Variants in ROBO2 observed in about 807,000 individuals in gnomAD.
ROBO2 encodes roundabout homolog 2.
A neutral mutation model predicts 160.8 loss-of-function variants in ROBO2; 53 were observed. The observed-to-expected ratio is 0.33, with a 90% CI of 0.26 to 0.41. The LOEUF (loss-of-function observed/expected upper bound fraction) is 0.41. Ranked by LOEUF, ROBO2 falls within the 10% of genes least tolerant of loss-of-function variation. The pLI is 1.00. For synonymous variants in ROBO2, 664 were observed against 611.7 expected, an observed-to-expected ratio of 1.09 and a Z score of -1.26; for missense variants, 1,577 against 1,722.4, an observed-to-expected ratio of 0.92 and a Z score of 1.49.
chr3:76,529,660 G>A (rs2108029815), intron 2 of ROBO2, among the ~76,000 whole-genome samples: 1 of 152,084 alleles, frequency 6.6e-6, no homozygotes, highest in Non-Finnish European at 1.5e-5. Context: ...TATACAATTA[G>A]TCAACTTCCC....
At chr3:76,662,209 T>G (rs2110064125) in intron 2 of ROBO2, among the ~76,000 whole-genome samples, 1 of 152,216 alleles carries the variant, frequency 6.6e-6, no homozygotes, top group Non-Finnish European at 1.5e-5. Context: ...GGCCTTGGAA[T>G]TTTATTTTTG....
At chr3:77,564,611 G>A (rs533216097) in intron 11 of ROBO2, 23 of 409,054 alleles carry the variant, frequency 5.6e-5, no homozygotes, top group Admixed American at 4.9e-4. Context: ...ATACATTTAC[G>A]AGGACCATAC....
chr3:76,748,696 C>T (rs2093932424), intron 2 of ROBO2, among the ~76,000 whole-genome samples: 1 of 151,624 alleles, frequency 6.6e-6, no homozygotes, highest in African/African-American at 2.4e-5. Flanking sequence ...GTAAATCACC[C>T]AGCGTTAATA....
chr3:77,643,531 C>G (rs970104225), intron 24 of ROBO2, among the ~76,000 whole-genome samples: 2 of 152,096 alleles, frequency 1.3e-5, no homozygotes, highest in Admixed American at 6.5e-5. Flanking sequence ...GGAAATGTCA[C>G]AGAAATAAAT....
At chr3:76,615,209 G>C (rs1308794176) in intron 2 of ROBO2, among the ~76,000 whole-genome samples, 2 of 151,132 alleles carry the variant, frequency 1.3e-5, no homozygotes, top group African/African-American at 4.9e-5. Flanking sequence ...TGGTGTAGAT[G>C]GTTTATTTAT....
Position 76,021,122 on chromosome 3 carries a change from C to A in ROBO2, c.109+83520C>A, listed in dbSNP as rs555083881. Reference sequence around the variant, plus strand: ...TCAGCTTATTATCACTGCAAATTTCCAAAACAGAGAAAGAAGGGTAACAGT... The same window carrying A: ...TCAGCTTATTATCACTGCAAATTTCAAAAACAGAGAAAGAAGGGTAACAGT... On this transcript the variant is annotated intron_variant, in intron 2 of 26. Coordinates refer to the ROBO2 transcript ENST00000487694. Among the ~76,000 whole-genome samples the A allele has an allele frequency of 2.9e-4, 44 of 151,682 alleles. 1 individual carries two copies. In the South Asian group the frequency reaches 9.1e-3, roughly 31 times the overall value.
intron 2 of ROBO2, among the ~76,000 whole-genome samples, chr3:76,683,130 G>A (rs2092605875): frequency 6.6e-6 from 1 of 152,012 alleles, no homozygotes; most frequent in Admixed American, 6.6e-5. Context: ...AGGAAAAGGA[G>A]CAACAGAGTA....
chr3:76,091,943 C>T (rs1470410291), intron 2 of ROBO2, among the ~76,000 whole-genome samples: 3 of 152,018 alleles, frequency 2.0e-5, no homozygotes, highest in African/African-American at 7.3e-5. Flanking sequence ...GATGATTAGG[C>T]AGATCACAGA....
intron 2 of ROBO2, among the ~76,000 whole-genome samples, chr3:76,738,767 A>G (rs1356963652): frequency 6.6e-6 from 1 of 152,216 alleles, no homozygotes; most frequent in African/African-American, 2.4e-5. Flanking sequence ...AGGAAAAGAA[A>G]TAGTGCAAAA....
chr3:76,271,511 T>C (rs1707429915), intron 2 of ROBO2, among the ~76,000 whole-genome samples: 1 of 149,940 alleles, frequency 6.7e-6, no homozygotes, highest in Non-Finnish European at 1.5e-5. Context: ...TTAAAGCATC[T>C]AGTATGTTTA....
intron 2 of ROBO2, among the ~76,000 whole-genome samples, chr3:76,213,615 T>C (rs967624698): frequency 1.3e-5 from 2 of 152,186 alleles, no homozygotes; most frequent in Non-Finnish European, 2.9e-5. Context: ...TTCTTTAATT[T>C]ATAGAACATT....
At chr3:76,547,012 C>T (rs986529882) in intron 2 of ROBO2, among the ~76,000 whole-genome samples, 2 of 151,940 alleles carry the variant, frequency 1.3e-5, no homozygotes, top group Admixed American at 6.6e-5. Context: ...AACTTAATTA[C>T]TTAATTACTC....
At chr3:77,646,015 T>G (rs1269045425) in intron 25 of ROBO2, 39 bp from the exon 28 acceptor site, 2 of 1,491,292 alleles carry the variant, frequency 1.3e-6, no homozygotes, top group East Asian at 2.3e-5. Flanking sequence ...GCAGAATGCT[T>G]AATTTATATT....
At chr3:77,203,936 G>C (rs2083164408) in intron 2 of ROBO2, among the ~76,000 whole-genome samples, 2 of 152,118 alleles carry the variant, frequency 1.3e-5, no homozygotes, top group African/African-American at 4.8e-5. Context: ...TCTCTGCATG[G>C]AAAAAGTAAC....
chr3:77,466,464 A>G (rs2082769673), intron 2 of ROBO2, among the ~76,000 whole-genome samples: 1 of 152,170 alleles, frequency 6.6e-6, no homozygotes. Flanking sequence ...TTTTGAGTTT[A>G]TGGATGATGA....
At chr3:76,963,863 A>T (rs2079860406) in intron 2 of ROBO2, among the ~76,000 whole-genome samples, 1 of 151,372 alleles carries the variant, frequency 6.6e-6, no homozygotes, top group Non-Finnish European at 1.5e-5. Flanking sequence ...AAAAAAGAAA[A>T]AAGAAATAAA....
rs1458720726 is a variant in ROBO2 at position 77,277,145 on chromosome 3, T to TTTCCTTCC, written c.388+178812_388+178813insCTTCCTTC. Among the ~76,000 whole-genome samples, 1,015 of 115,610 alleles carry TTTCCTTCC rather than the reference T, an allele frequency of 8.8e-3. 5 individuals are homozygous for TTTCCTTCC. The highest frequency in any genetic ancestry group is 0.015 in the Admixed American group (160 of 10,592). The allele number at this position is 115,610 out of a possible 152,430, so 75.8% of individuals were successfully genotyped here. A position where few individuals can be genotyped will look rare whatever the true frequency, so the allele number is the denominator to read the frequency against. Reference sequence around the variant, plus strand: ...CCTTCCTTCCTTCCTTTCTTCCTTCTTTCCTTCTTTCCTTCTTTCTTTCTT... The same window carrying TTTCCTTCC: ...CCTTCCTTCCTTCCTTTCTTCCTTCTTTCCTTCCTTCCTTCTTTCCTTCTTTCTTTCTT... On this transcript the variant is annotated intron_variant, in intron 2 of 25. Coordinates refer to ENST00000461745, the Ensembl canonical transcript of ROBO2.
At chr3:77,577,717 T>A in intron 15 of ROBO2, 103 bp downstream of exon 16, 1 of 1,377,044 alleles carries the variant, frequency 7.3e-7, no homozygotes, top group Non-Finnish European at 1.0e-6. Context: ...TTATTCAGTT[T>A]AAGTGTAAAG....
chr3:75,912,582 T>C (rs1946644271), intron 1 of ROBO2, among the ~76,000 whole-genome samples: 2 of 152,222 alleles, frequency 1.3e-5, no homozygotes, highest in South Asian at 4.1e-4. Flanking sequence ...AAGAATTTAA[T>C]TTTAGATGTA....
Sources: gnomAD v4.1 joint callset for allele counts (sites outside exome capture counted in the v4.1 genomes callset) on GRCh38, gnomAD v4.1.1 for gene constraint, MANE v1.5 for transcripts, NCBI Gene and HGNC (gene_info 2026-07-23, HGNC 2026-07-21) for gene names.